Variants in KCNQ2 observed in about 807,000 individuals in gnomAD.
KCNQ2 encodes potassium voltage-gated channel subfamily KQT member 2.
Under a neutral mutation model 84.8 loss-of-function variants are expected in KCNQ2, and 14 were observed. The observed-to-expected ratio is 0.17, with a 90% CI of 0.11 to 0.26. The LOEUF (loss-of-function observed/expected upper bound fraction) is 0.26. KCNQ2 is among the 10% of genes least tolerant of loss of function. The pLI is 1.00. For synonymous variants in KCNQ2, 599 were observed against 554.1 expected (o/e 1.08, Z -1.14); for missense variants, 788 against 1,254.0 (o/e 0.63, Z 5.61).
chr20:63,411,152 G>T, intron 15 of KCNQ2: 1 of 378,792 alleles, frequency 2.6e-6, no homozygotes, highest in South Asian at 1.9e-5. Context: ...CTGCTGGAGC[G>T]CACGCCTGTG....
intron 9 of KCNQ2, among the ~76,000 whole-genome samples, chr20:63,429,136 G>A (rs560284428): frequency 4.6e-5 from 7 of 151,768 alleles, no homozygotes; most frequent in African/African-American, 7.3e-5. Flanking sequence ...ACCTCCTCAC[G>A]TCTGGGTGGG....
At chr20:63,443,084 CCATTAT>C (rs2081273181) in intron 4 of KCNQ2, among the ~76,000 whole-genome samples, 1 of 46,658 alleles carries the variant, frequency 2.1e-5, no homozygotes. Context: ...ACCACCACCA[CCATTAT>C]CACCACCATC....
chr20:63,433,922 G>A lies in KCNQ2; in HGVS notation c.1024-19C>T, dbSNP rs752162043. The A allele has an allele frequency of 3.1e-6, 5 of 1,611,208 alleles. No homozygotes were observed. In the Admixed American group the frequency reaches 6.7e-5, roughly 21 times the overall value. ...AGGCCGACTGCGGAGGGAAAGACAA[G>A]GCAGTTGGCGAGGGGCAGGCGGCGA... On this transcript the variant is annotated intron_variant, in intron 7 of 16. Coordinates refer to ENST00000359125, the MANE Select transcript of KCNQ2 (RefSeq NM_172107.4).
chr20:63,450,631 G>A (rs1344871115), intron 1 of KCNQ2, among the ~76,000 whole-genome samples: 1 of 66,312 alleles, frequency 1.5e-5, no homozygotes, highest in Non-Finnish European at 3.2e-5. Context: ...GTCAAGGTGG[G>A]GTCAAGGTTG....
rs568416885 is a variant in KCNQ2 at position 63,428,252 on chromosome 20, C to A, written c.1217+115G>T. The A allele has an allele frequency of 7.8e-6, 6 of 772,078 alleles. No homozygotes were observed. In the Admixed American group the frequency reaches 1.0e-4, roughly 13 times the overall value. The allele number at this position is 772,078 out of a possible 1,614,324, so 47.8% of individuals were successfully genotyped here. ...CATCACCAAGTCCAGCGTCCCCGCG[C>A]GTCCCAGCTCCCTGGAGTCCCTGGG... On this transcript the variant is annotated intron_variant, in intron 10 of 16. Coordinates refer to ENST00000359125, the MANE Select transcript of KCNQ2 (RefSeq NM_172107.4).
intron 1 of KCNQ2, among the ~76,000 whole-genome samples, chr20:63,447,828 C>T (rs1242171209): frequency 6.6e-6 from 1 of 152,156 alleles, no homozygotes; most frequent in East Asian, 1.9e-4. Context: ...AACACCTGGG[C>T]TCAAGTGATG....
At chr20:63,441,457 A>G (rs2081160090) in intron 5 of KCNQ2, among the ~76,000 whole-genome samples, 1 of 152,194 alleles carries the variant, frequency 6.6e-6, no homozygotes, top group South Asian at 2.1e-4. Context: ...CATAAGGCTT[A>G]GTAACTCTCT....
chr20:63,438,324 G>A lies in KCNQ2; in HGVS notation c.1023+301C>T, dbSNP rs747663038. ...AGCCTTGGCCCTGCAGCTGCAGAACGGGTGTGCTCACCTCCCAGGGTGCGG... is the reference window on the plus strand; with the variant it reads ...AGCCTTGGCCCTGCAGCTGCAGAACAGGTGTGCTCACCTCCCAGGGTGCGG... On this transcript the variant is annotated intron_variant, in intron 7 of 16. Coordinates refer to ENST00000359125, the MANE Select transcript of KCNQ2 (RefSeq NM_172107.4). This position sits in a 1 kb window ranked among gnomAD's most constrained non-coding sequence, Gnocchi z 5.1. The A allele has an allele frequency of 5.7e-5, 29 of 505,184 alleles. No homozygotes were observed. Among genetic ancestry groups the A allele is most frequent in the South Asian group, 8.2e-5 (4 of 48,620 alleles). 31.3% of individuals were successfully genotyped at this position (505,184 alleles called of 1,614,324 possible).
At chr20:63,455,211 A>G (rs2081746341) in intron 1 of KCNQ2, among the ~76,000 whole-genome samples, 1 of 152,180 alleles carries the variant, frequency 6.6e-6, no homozygotes, top group South Asian at 2.1e-4. Context: ...ATTACAACAC[A>G]AAGGGTTTCG....
At chr20:63,465,602 G>A (rs1170701928) in intron 1 of KCNQ2, among the ~76,000 whole-genome samples, 2 of 152,208 alleles carry the variant, frequency 1.3e-5, no homozygotes, top group Admixed American at 6.5e-5. Context: ...AGGGGCCAGC[G>A]GGAGCCATTT....
At chr20:63,463,199 C>T (rs1276668293) in intron 1 of KCNQ2, among the ~76,000 whole-genome samples, 1 of 152,070 alleles carries the variant, frequency 6.6e-6, no homozygotes, top group Non-Finnish European at 1.5e-5. Context: ...GAGTTCTGGG[C>T]TGCAGTGAGC....
At chr20:63,421,135 C>T (rs2080459126) in intron 11 of KCNQ2, among the ~76,000 whole-genome samples, 2 of 152,300 alleles carry the variant, frequency 1.3e-5, no homozygotes, top group South Asian at 4.2e-4. Flanking sequence ...GGTCCCGCTT[C>T]CCCAAACCTC....
At chr20:63,458,807 G>C (rs2081873420) in intron 1 of KCNQ2, among the ~76,000 whole-genome samples, 1 of 152,232 alleles carries the variant, frequency 6.6e-6, no homozygotes, top group Non-Finnish European at 1.5e-5. Context: ...AGCTAGGCCT[G>C]GGGCCCACAC....
intron 1 of KCNQ2, among the ~76,000 whole-genome samples, chr20:63,453,255 G>A (rs2145826823): frequency 6.6e-6 from 1 of 152,362 alleles, no homozygotes; most frequent in East Asian, 1.9e-4. Context: ...GTCGCCAGGG[G>A]GCACTCGGCC....
At chr20:63,416,229 A>G (rs2080291749) in intron 12 of KCNQ2, among the ~76,000 whole-genome samples, 1 of 152,122 alleles carries the variant, frequency 6.6e-6, no homozygotes, top group Non-Finnish European at 1.5e-5. Context: ...GGCGTGAAGC[A>G]GGATTTGCAG....
intron 1 of KCNQ2, among the ~76,000 whole-genome samples, chr20:63,453,450 A>G (rs1242507078): frequency 2.0e-5 from 3 of 152,250 alleles, no homozygotes; most frequent in African/African-American, 7.2e-5. Flanking sequence ...AGCCCTGGGA[A>G]AAATGCGCAG....
chr20:63,413,112 A>G (rs1179366060), intron 15 of KCNQ2, among the ~76,000 whole-genome samples: 1 of 152,122 alleles, frequency 6.6e-6, no homozygotes, highest in Non-Finnish European at 1.5e-5. Flanking sequence ...GCAGAGCCAC[A>G]CGTGCATACA....
intron 10 of KCNQ2, among the ~76,000 whole-genome samples, chr20:63,427,512 A>G (rs1399765299): frequency 6.6e-6 from 1 of 152,230 alleles, no homozygotes; most frequent in African/African-American, 2.4e-5. Flanking sequence ...ACAGTCCTAG[A>G]CGCCAGAGTC....
chr20:63,433,578 G>A lies in KCNQ2; in HGVS notation c.1118+231C>T, dbSNP rs1014036519. ...AAAACACAGCACGACCCACGGCCAG[G>A]ACGATAAAGCAAAGGGGTGAGGAAA... On this transcript the variant is annotated intron_variant, in intron 8 of 16. Transcript: ENST00000359125. The A allele has an allele frequency of 1.0e-5, 8 of 789,320 alleles. No homozygotes were observed. The Admixed American group carries it at 1.1e-4, about 10-fold the overall frequency. The allele number at this position is 789,320 out of a possible 1,614,324, so 48.9% of individuals were successfully genotyped here. A position where few individuals can be genotyped will look rare whatever the true frequency, so the allele number is the denominator to read the frequency against.
Sources: allele counts gnomAD v4.1 joint callset (sites outside exome capture counted in the v4.1 genomes callset), GRCh38; gene constraint gnomAD v4.1.1; non-coding constraint Gnocchi (gnomAD v3.1); transcripts MANE v1.5; gene names NCBI Gene and HGNC (gene_info 2026-07-23, HGNC 2026-07-21).